Variants in NUDCD1 observed in about 807,000 individuals in gnomAD.
NUDCD1 encodes the protein nudC domain-containing protein 1.
A neutral mutation model predicts 67.8 loss-of-function variants in NUDCD1; 60 were observed. The ratio of observed to expected loss-of-function variants is 0.88; its 90% CI spans 0.72 to 1.10. The LOEUF (loss-of-function observed/expected upper bound fraction) is 1.10, where lower values mean the gene tolerates loss of function less well. NUDCD1 is among the 50% of genes least tolerant of loss of function. The pLI is 0.00. For synonymous variants in NUDCD1, 244 were observed against 230.8 expected (o/e 1.06, Z -0.52); for missense variants, 643 against 695.0 (o/e 0.93, Z 0.84).
intron 1 of NUDCD1, among the ~76,000 whole-genome samples, chr8:109,325,981 T>C (rs550224597): frequency 6.6e-6 from 1 of 152,320 alleles, no homozygotes; most frequent in East Asian, 1.9e-4. Flanking sequence ...CACCACTTAT[T>C]TTATAAGCAA....
rs189538832 is a variant in NUDCD1, at chr8:109,242,456, T to C, written c.*553A>G. 6.1e-4 allele frequency: 160 copies of C among 262,032 alleles called. 1 individual carries two copies. The highest frequency in any genetic ancestry group is 5.0e-3 in the East Asian group (72 of 14,432). 16.2% of individuals were successfully genotyped at this position (262,032 alleles called of 1,614,324 possible). ...TTGTCTATGTCTGTGGCAGAGCAAC[T>C]GGCTAAAAGTTACATAAAGCTATAC... On this transcript the variant is annotated 3_prime_UTR_variant, in exon 10 of 10. Coordinates refer to ENST00000239690, the MANE Select transcript of NUDCD1 (RefSeq NM_032869.4).
At chr8:109,329,742 TTATTG>T (rs1295323998) in intron 1 of NUDCD1, 1 of 1,423,886 alleles carries the variant, frequency 7.0e-7, no homozygotes. Context: ...AATTTGTAGT[TTATTG>T]TCAATTATGT....
intron 8 of NUDCD1, among the ~76,000 whole-genome samples, chr8:109,247,527 C>T (rs16879257): frequency 0.024 from 3,694 of 152,266 alleles, 139 homozygotes; most frequent in African/African-American, 0.084. Context: ...GCCCCTCACT[C>T]TGACTTAGAT....
intron 8 of NUDCD1, among the ~76,000 whole-genome samples, chr8:109,260,342 GCACCACCACAC>G (rs1253374752): frequency 6.6e-6 from 1 of 152,148 alleles, no homozygotes; most frequent in Non-Finnish European, 1.5e-5. Context: ...CTAGATGTGT[GCACCACCACAC>G]CTGGCAAATT....
At chr8:109,281,544 T>C (rs751353962) in intron 5 of NUDCD1, among the ~76,000 whole-genome samples, 6 of 152,008 alleles carry the variant, frequency 3.9e-5, no homozygotes, top group Non-Finnish European at 7.4e-5. Context: ...ACATAAAATA[T>C]GTTACCCAGA....
At position 109,323,033 on chromosome 8, in the gene NUDCD1, C is replaced by G. The variant is rs565095999; in HGVS notation, c.119-570G>C. 1.4e-4 allele frequency among the ~76,000 whole-genome samples: 22 copies of G among 152,320 alleles called. No individual in the cohort carries two copies. The South Asian group carries it at 3.9e-3, about 27-fold the overall frequency. ...GCTGGACTAGAAACAAGATCTCCTA[C>G]TTACAGAACAGAGATTTCTTCACTT... On this transcript the variant is annotated intron_variant, in intron 1 of 9. Coordinates refer to ENST00000239690, the MANE Select transcript of NUDCD1 (RefSeq NM_032869.4).
At chr8:109,314,243 G>A (rs183362999) in intron 2 of NUDCD1, among the ~76,000 whole-genome samples, 1 of 152,178 alleles carries the variant, frequency 6.6e-6, no homozygotes, top group East Asian at 1.9e-4. Flanking sequence ...GGCTAACACT[G>A]AAAATCATTC....
chr8:109,274,284 TAACA>T (rs941691385), intron 7 of NUDCD1, among the ~76,000 whole-genome samples: 4 of 152,172 alleles, frequency 2.6e-5, no homozygotes, highest in African/African-American at 9.6e-5. Context: ...TCTCATAATC[TAACA>T]AACACACTGG....
chr8:109,333,915 A>G lies in NUDCD1; in HGVS notation c.96T>C (p.Cys32=), dbSNP rs147865295. The G allele has an allele frequency of 4.4e-5, 71 of 1,614,074 alleles. No homozygotes were observed. Among genetic ancestry groups the G allele is most frequent in the Admixed American group, 3.0e-4 (18 of 60,018 alleles). The stretch of plus-strand genomic sequence containing the variant: ...CACCTGCGTCAAGCTCCAGCTGGTA[A>G]CAAGGCAGCGGCTCAAGAGAGAGCT... ...GYKLSLEPLP[C]YQLELDAAVA... is the part of the protein sequence containing the mutation. Residue 32 remains cysteine (C), a synonymous_variant, in exon 1 of 10, where the codon TGT becomes TGC. Transcript: ENST00000239690.
intron 8 of NUDCD1, among the ~76,000 whole-genome samples, chr8:109,270,763 T>C (rs866526959): frequency 4.6e-5 from 7 of 151,690 alleles, no homozygotes; most frequent in African/African-American, 1.7e-4. Flanking sequence ...AGGGTCACAA[T>C]TGTATATTAA....
At chr8:109,271,381 G>T (rs1261219037) in intron 7 of NUDCD1, among the ~76,000 whole-genome samples, 1 of 152,156 alleles carries the variant, frequency 6.6e-6, no homozygotes, top group Non-Finnish European at 1.5e-5. Context: ...TGTTGAGAAA[G>T]AGAGAGATGA....
At position 109,243,052 on chromosome 8, in the gene NUDCD1, G is replaced by A. The variant is rs770699441; in HGVS notation, c.1709C>T (p.Thr570Ile). ...TTTTATTAAAAAGAGGTTTTTGGTA[G>A]TAAGAACAAATAATCTCTCATTTGT... is the stretch of plus-strand genomic sequence containing the variant. ...QATNERLFVLTTKNLFLIKVN... is the reference protein window; with the variant it reads ...QATNERLFVLITKNLFLIKVN... The change falls in exon 10 of 10, where the codon ACT (threonine) becomes ATT (isoleucine). Residue 570 changes from threonine to isoleucine, a missense_variant. Thr to Ile is a moderately conservative substitution (Grantham distance 89). Coordinates refer to ENST00000239690, the MANE Select transcript of NUDCD1 (RefSeq NM_032869.4). 12 of 1,603,320 alleles carry A rather than the reference G, an allele frequency of 7.5e-6. No individual in the cohort carries two copies.
At chr8:109,267,348 G>A (rs1161772048) in intron 8 of NUDCD1, among the ~76,000 whole-genome samples, 1 of 151,982 alleles carries the variant, frequency 6.6e-6, no homozygotes, top group African/African-American at 2.4e-5. Flanking sequence ...CAGTATTTAG[G>A]ATCTCACACG....
chr8:109,267,541 G>GTA lies in NUDCD1; in HGVS notation c.1299+3462_1299+3463dup, dbSNP rs566755199. Among the ~76,000 whole-genome samples the GTA allele has an allele frequency of 3.1e-4, 47 of 152,248 alleles. No individual in the cohort carries two copies. In the East Asian group the frequency reaches 5.8e-3, roughly 19 times the overall value. On this transcript the variant is annotated intron_variant, in intron 8 of 9. Coordinates refer to ENST00000239690, the MANE Select transcript of NUDCD1 (RefSeq NM_032869.4). ...CGTCTGACCCAGCAATCCCATGACT[G>GTA]TATATATATCCAAAGAAATAAAAAT... is the stretch of plus-strand genomic sequence containing the variant.
rs1425210037 is a variant in NUDCD1, at chr8:109,322,348, A to C, written c.234T>G (p.Ile78Met). 1.3e-6 allele frequency: 2 copies of C among 1,567,310 alleles called. No homozygotes were observed. Among genetic ancestry groups the C allele is most frequent in the Non-Finnish European group, 1.8e-6 (2 of 1,142,262 alleles). Residue 78 changes from isoleucine (I) to methionine (M), a missense_variant, in exon 2 of 10, where the codon ATT (isoleucine) becomes ATG (methionine). By Grantham distance (10) the Ile-to-Met change is conservative. Transcript: ENST00000239690. ...DSWYQDSVYY[I>M]DTLGRIMNLT... ...AATTCATAATTCTTCCAAGGGTATC[A>C]ATATAGTAGACACTGTCTTGATACC...
chr8:109,254,843 T>TAATA (rs1242116166), intron 8 of NUDCD1, among the ~76,000 whole-genome samples: 1 of 152,200 alleles, frequency 6.6e-6, no homozygotes, highest in East Asian at 1.9e-4. Flanking sequence ...TCAGAAGGTA[T>TAATA]GTATTGGGAT....
At chr8:109,301,323 G>A (rs764154779) in intron 2 of NUDCD1, among the ~76,000 whole-genome samples, 6 of 151,924 alleles carry the variant, frequency 3.9e-5, no homozygotes, top group Non-Finnish European at 5.9e-5. Flanking sequence ...TATTCTCTCC[G>A]CCCTTAAGAA....
chr8:109,283,915 C>T (rs970509485), intron 5 of NUDCD1, among the ~76,000 whole-genome samples: 3 of 151,048 alleles, frequency 2.0e-5, no homozygotes, highest in Admixed American at 1.3e-4. Flanking sequence ...ATCAAAACTT[C>T]ACATAACAAT....
intron 1 of NUDCD1, among the ~76,000 whole-genome samples, chr8:109,324,868 C>T (rs565361650): frequency 1.2e-4 from 19 of 152,228 alleles, no homozygotes; most frequent in African/African-American, 4.1e-4. Flanking sequence ...GGGCGGATCA[C>T]GAGGTCAGGA....
Sources: allele counts gnomAD v4.1 joint callset (sites outside exome capture counted in the v4.1 genomes callset), GRCh38; gene constraint gnomAD v4.1.1; transcripts MANE v1.5; gene names NCBI Gene and HGNC (gene_info 2026-07-23, HGNC 2026-07-21).